The following STK31 variants were observed in gnomAD, a reference collection of about 807,000 sequenced individuals.
The protein encoded by STK31 is serine/threonine kinase 31, also known as serine/threonine-protein kinase 31.
STK31 carries 89 observed loss-of-function variants against 129.7 expected under a neutral mutation model. That is an observed-to-expected ratio of 0.69 (90% CI 0.58 to 0.82). The LOEUF (loss-of-function observed/expected upper bound fraction) is 0.82, where lower values mean the gene tolerates loss of function less well. STK31 is among the 40% of genes least tolerant of loss of function. The probability of loss-of-function intolerance (pLI) is 0.00; values close to 1 mark genes in which losing one functional copy is unlikely to be tolerated. For synonymous variants in STK31, 448 were observed against 395.3 expected, an observed-to-expected ratio of 1.13 and a Z score of -1.58; for missense variants, 1,187 against 1,176.4, an observed-to-expected ratio of 1.01 and a Z score of -0.13.
intron 8 of STK31, among the ~76,000 whole-genome samples, chr7:23,738,214 A>T (rs898766342): frequency 6.6e-5 from 10 of 152,168 alleles, no homozygotes; most frequent in Non-Finnish European, 1.3e-4. Context: ...ATTATTAAGG[A>T]TATAACTCAG....
At chr7:23,751,196 G>A (rs940168452) in intron 8 of STK31, among the ~76,000 whole-genome samples, 1 of 152,246 alleles carries the variant, frequency 6.6e-6, no homozygotes, top group East Asian at 1.9e-4. Context: ...TGCTGCAAAT[G>A]ACAGGATTTC....
intron 15 of STK31, among the ~76,000 whole-genome samples, chr7:23,775,421 G>A (rs926297690): frequency 2.0e-5 from 3 of 152,182 alleles, no homozygotes; most frequent in Non-Finnish European, 4.4e-5. Flanking sequence ...ACTTTGGGCA[G>A]TATGGCCATT....
intron 8 of STK31, among the ~76,000 whole-genome samples, chr7:23,752,350 ATTT>A (rs140189040): frequency 3.6e-4 from 50 of 140,752 alleles, no homozygotes; most frequent in Non-Finnish European, 7.0e-4. Context: ...CAAATTTGGA[ATTT>A]TTTTTTTTTT....
At chr7:23,718,165 C>G (rs2094780303) in intron 4 of STK31, among the ~76,000 whole-genome samples, 1 of 151,706 alleles carries the variant, frequency 6.6e-6, no homozygotes, top group African/African-American at 2.4e-5. Flanking sequence ...CTATTCTAGC[C>G]AAAAAAACAA....
rs753120201 is a variant in STK31 at position 23,785,546 on chromosome 7, T to C, written c.2217T>C (p.Leu739=). The C allele has an allele frequency of 1.2e-6, 2 of 1,613,906 alleles. No individual in the cohort carries two copies. The highest frequency in any genetic ancestry group is 2.7e-5 in the African/African-American group (2 of 74,916). Residue 739 remains leucine, a synonymous_variant, in exon 18 of 24, where the codon CTT becomes CTC. Coordinates refer to ENST00000355870, the MANE Select transcript of STK31 (RefSeq NM_031414.5). ...DLLDAEPMKE[L]SSKRPLVRSE... ...TTGATGCTGAGCCCATGAAGGAACT[T>C]AGCAGCAAGCGTCCTTTGGTACGTT...
chr7:23,717,632 T>G, intron 4 of STK31, 53 bp downstream of exon 4: 1 of 1,403,090 alleles, frequency 7.1e-7, no homozygotes, highest in Non-Finnish European at 9.9e-7. Context: ...AGCTTTCCTG[T>G]GTCTTAGATA....
chr7:23,742,992 G>A (rs145065029), intron 8 of STK31, among the ~76,000 whole-genome samples: 33 of 143,420 alleles, frequency 2.3e-4, no homozygotes, highest in East Asian at 1.6e-3. Flanking sequence ...TTGCTCTGTC[G>A]CCCAGGCTGG....
Position 23,773,734 on chromosome 7 carries a change from AGTGTGT to A in STK31, c.1965+1473_1965+1478del, listed in dbSNP as rs58341131. 2.5e-3 allele frequency among the ~76,000 whole-genome samples: 322 copies of A among 130,192 alleles called. 1 individual carries two copies. Among genetic ancestry groups the A allele is most frequent in the African/African-American group, 0.01 (295 of 29,030 alleles). The allele number at this position is 130,192 out of a possible 152,430, so 85.4% of individuals were successfully genotyped here. On this transcript the variant is annotated intron_variant, in intron 15 of 23. Coordinates refer to ENST00000355870, the MANE Select transcript of STK31 (RefSeq NM_031414.5). ...TTCCTGACTTGTGTGTGTGTGTGTG[AGTGTGT>A]GTGTGTGTGTGTGTGTATTTGTATG... is the stretch of plus-strand genomic sequence containing the variant.
intron 17 of STK31, among the ~76,000 whole-genome samples, chr7:23,784,528 A>G (rs1172616202): frequency 2.0e-5 from 3 of 152,196 alleles, no homozygotes; most frequent in Non-Finnish European, 2.9e-5. Context: ...ATATTTAAAA[A>G]TATGCTAATC....
intron 1 of STK31, chr7:23,710,575 G>A: frequency 7.3e-7 from 1 of 1,375,772 alleles, no homozygotes. Flanking sequence ...ACGCGGTCAC[G>A]CAGCCTCCAC....
intron 6 of STK31, among the ~76,000 whole-genome samples, chr7:23,729,519 T>G (rs909091715): frequency 2.1e-5 from 3 of 143,302 alleles, no homozygotes; most frequent in Non-Finnish European, 3.0e-5. Flanking sequence ...TTGTTTTTTT[T>G]TTTTTTTTTG....
At chr7:23,798,799 T>TAG (rs1362685921) in intron 22 of STK31, among the ~76,000 whole-genome samples, 4 of 152,116 alleles carry the variant, frequency 2.6e-5, no homozygotes, top group Non-Finnish European at 5.9e-5. Context: ...AGAGAGACAG[T>TAG]CAAAGTCTGT....
intron 23 of STK31, 115 bp downstream of exon 23, chr7:23,815,327 T>C (rs1435736212): frequency 1.4e-6 from 1 of 726,490 alleles, no homozygotes; most frequent in Non-Finnish European, 2.1e-6. Context: ...ACATTTGCAA[T>C]AAATGAAGTA....
At chr7:23,775,331 G>A (rs962205137) in intron 15 of STK31, among the ~76,000 whole-genome samples, 2 of 152,144 alleles carry the variant, frequency 1.3e-5, no homozygotes, top group African/African-American at 4.8e-5. Context: ...AGTTCCATAT[G>A]AAATTTAAAG....
chr7:23,765,994 A>G (rs534835598), intron 11 of STK31, among the ~76,000 whole-genome samples: 61 of 152,356 alleles, frequency 4.0e-4, no homozygotes, highest in African/African-American at 1.4e-3. Context: ...GTGATAGCTC[A>G]GTTAAATAGA....
At chr7:23,808,686 A>G (rs1014424227) in intron 22 of STK31, among the ~76,000 whole-genome samples, 1 of 152,070 alleles carries the variant, frequency 6.6e-6, no homozygotes, top group Non-Finnish European at 1.5e-5. Context: ...GTAGAAGTTC[A>G]GTTCCCTGTT....
rs763676628 is a variant in STK31 at position 23,729,091 on chromosome 7, T to C, written c.325T>C (p.Cys109Arg). Residue 109 changes from cysteine (C) to arginine (R), a missense_variant and splice_region_variant, in exon 6 of 24, where the codon TGT becomes CGT. Cys to Arg is a radical substitution (Grantham distance 180). Around this residue, in one of 5 missense-constraint regions of STK31, gnomAD observed 103 missense variants for 110.4 expected, o/e 0.93. Transcript: ENST00000355870. ...CGTATTTGTCTCTTATTTTTTCCAG[T>C]GTCTGGTGAGGTACATTGACTATGG... ...KVLKIISVEK[C>R]LVRYIDYGNT... The C allele has an allele frequency of 2.5e-6, 4 of 1,586,156 alleles. No individual in the cohort carries two copies. The South Asian group carries it at 4.7e-5, about 19-fold the overall frequency.
intron 8 of STK31, among the ~76,000 whole-genome samples, chr7:23,751,728 A>T (rs998665018): frequency 2.7e-4 from 41 of 152,196 alleles, no homozygotes; most frequent in African/African-American, 6.5e-4. Flanking sequence ...TGATTTTTTT[A>T]AAAAAAGTTC....
intron 8 of STK31, among the ~76,000 whole-genome samples, chr7:23,745,654 G>T (rs534971435): frequency 6.6e-6 from 1 of 152,186 alleles, no homozygotes; most frequent in African/African-American, 2.4e-5. Context: ...ATTGCCTCAG[G>T]TTCTGGGTTG....
Sources: allele counts gnomAD v4.1 joint callset (sites outside exome capture counted in the v4.1 genomes callset), GRCh38; gene constraint gnomAD v4.1.1; regional missense constraint gnomAD v4.1.1; transcripts MANE v1.5; gene names NCBI Gene and HGNC (gene_info 2026-07-23, HGNC 2026-07-21).